The following ZNF883 variants were observed in gnomAD, a reference collection of about 807,000 sequenced individuals.
The protein encoded by ZNF883 is zinc finger protein 883.
At chr9:112,998,896 G>A (rs1828393528), upstream of ZNF883, 1 of 152,072 alleles carries the variant, frequency 6.6e-6, no homozygotes, top group South Asian at 2.1e-4. Context: ...CCTCGAAGTT[G>A]TTATATTCAT....
chr9:113,005,005 A>G (rs1564334330), intron 2 of ZNF883, among the ~76,000 whole-genome samples: 2 of 152,092 alleles, frequency 1.3e-5, no homozygotes, highest in Non-Finnish European at 2.9e-5. Flanking sequence ...TGGTTTATCC[A>G]CTTAGGGAAA....
rs191152904 is a variant in ZNF883 at position 113,006,653 on chromosome 9, G to T, written n.165+4488C>A. Among the ~76,000 whole-genome samples, 16 of 152,114 alleles carry T rather than the reference G, an allele frequency of 1.1e-4. No homozygotes were observed. In the East Asian group the frequency reaches 3.1e-3, roughly 29 times the overall value. On this transcript the variant is annotated intron_variant and non_coding_transcript_variant, in intron 2 of 4. Coordinates refer to the ZNF883 transcript ENST00000638622. ...GATTCAAGTCATTAGTGTTTTTCCTGTATCAACAGTCCATGAATCTGTCCA... is the reference window on the plus strand; with the variant it reads ...GATTCAAGTCATTAGTGTTTTTCCTTTATCAACAGTCCATGAATCTGTCCA...
chr9:112,990,346 TC>T (rs1564330405), intron 1 of ZNF883, among the ~76,000 whole-genome samples: 1 of 152,118 alleles, frequency 6.6e-6, no homozygotes, highest in African/African-American at 2.4e-5. Context: ...TTTATCAAAG[TC>T]CTTTTCTGCA....
At chr9:113,011,739 G>A (rs543877825) in intron 1 of ZNF883, among the ~76,000 whole-genome samples, 2 of 152,216 alleles carry the variant, frequency 1.3e-5, no homozygotes, top group Admixed American at 1.3e-4. Context: ...CGTATATCAC[G>A]GTTTTCTTGC....
chr9:112,990,079 C>T (rs10817421), intron 1 of ZNF883, among the ~76,000 whole-genome samples: 19,852 of 152,154 alleles, frequency 0.13, 1,677 homozygotes, highest in Non-Finnish European at 0.17. Context: ...AGTTTGATTT[C>T]CTCTCTTCCT....
At chr9:112,993,467 C>G (rs79072713), downstream of ZNF883, among the ~76,000 whole-genome samples, 2 of 152,272 alleles carry the variant, frequency 1.3e-5, no homozygotes, top group South Asian at 2.1e-4. Context: ...CTAAGGCCAG[C>G]AGGAATGCTC....
chr9:113,001,549 G>A (rs1449625357), upstream of ZNF883, among the ~76,000 whole-genome samples: 1 of 152,076 alleles, frequency 6.6e-6, no homozygotes, highest in Non-Finnish European at 1.5e-5. Context: ...TCTGCATAGA[G>A]GACCTTAACC....
chr9:112,989,183 T>C (rs967322842), intron 1 of ZNF883, among the ~76,000 whole-genome samples: 2 of 152,244 alleles, frequency 1.3e-5, no homozygotes, highest in Admixed American at 6.5e-5. Flanking sequence ...TTTTGGCATT[T>C]TCATCATGAA....
chr9:112,997,974 G>A (rs1200843187), exon 1 of ZNF883: 17 of 1,613,774 alleles, frequency 1.1e-5, no homozygotes, highest in African/African-American at 1.3e-5. Flanking sequence ...CACTCATAAG[G>A]TTTCTCCCCA....
intron 2 of ZNF883, among the ~76,000 whole-genome samples, chr9:113,008,954 A>G (rs1232209491): frequency 6.6e-6 from 1 of 151,922 alleles, no homozygotes; most frequent in Non-Finnish European, 1.5e-5. Context: ...AGATGGGGAG[A>G]GGAATTGGAA....
rs545929680 is a variant in ZNF883, at chr9:113,008,892, A to G, written n.165+2249T>C. Among the ~76,000 whole-genome samples, 31 of 152,162 alleles carry G rather than the reference A, an allele frequency of 2.0e-4. No individual in the cohort carries two copies. The South Asian group carries it at 6.4e-3, about 32-fold the overall frequency. On this transcript the variant is annotated intron_variant and non_coding_transcript_variant, in intron 2 of 4. Coordinates refer to the ZNF883 transcript ENST00000638622. ...GGTTAGGGGATGTGGTGGTGAGAGC[A>G]TTTGGAAGTTCTTTTCTAGTTCTCT...
chr9:112,997,518 G>A (rs756546653), exon 1 of ZNF883: 45 of 1,613,994 alleles, frequency 2.8e-5, no homozygotes, highest in East Asian at 8.9e-5. Context: ...TGTGCACTCC[G>A]ATTGAAGGCC....
upstream of ZNF883, chr9:112,998,782 C>G (rs1209844668): frequency 6.6e-6 from 1 of 152,136 alleles, no homozygotes; most frequent in Middle Eastern, 3.2e-3. Flanking sequence ...CTCTGTGGGT[C>G]TTGAAATGTA....
At chr9:112,997,098 A>T, downstream of ZNF883, 1 of 1,557,014 alleles carries the variant, frequency 6.4e-7, no homozygotes, top group Non-Finnish European at 8.7e-7. Context: ...CCTACGACTG[A>T]CTGCAGGCTT....
At chr9:112,999,045 T>G (rs1195864594), upstream of ZNF883, 1 of 152,228 alleles carries the variant, frequency 6.6e-6, no homozygotes, top group African/African-American at 2.4e-5. Context: ...TATGATGACA[T>G]TATTTTGTTT....
chr9:112,988,144 A>T (rs570827596), intron 1 of ZNF883, among the ~76,000 whole-genome samples: 3 of 151,430 alleles, frequency 2.0e-5, no homozygotes, highest in African/African-American at 7.3e-5. Flanking sequence ...TGTATCTTTT[A>T]AAAAAATTTA....
At chr9:113,011,392 T>C (rs1399686571) in intron 1 of ZNF883, among the ~76,000 whole-genome samples, 165 bp from the exon 2 acceptor site, 3 of 152,228 alleles carry the variant, frequency 2.0e-5, no homozygotes, top group Non-Finnish European at 4.4e-5. Context: ...TTCCTCTCTC[T>C]GGTCACTGGT....
intron 2 of ZNF883, among the ~76,000 whole-genome samples, chr9:113,004,124 AAG>A (rs1828453338): frequency 6.6e-6 from 1 of 152,228 alleles, no homozygotes; most frequent in African/African-American, 2.4e-5. Flanking sequence ...CATGTGATGA[AAG>A]AGCAGAGAAC....
At chr9:112,995,274 A>G (rs1193233763), downstream of ZNF883, among the ~76,000 whole-genome samples, 1 of 152,230 alleles carries the variant, frequency 6.6e-6, no homozygotes, top group South Asian at 2.1e-4. Context: ...CTGCCTGCAG[A>G]CTCAAACTGG....
Sources: allele counts gnomAD v4.1 joint callset (sites outside exome capture counted in the v4.1 genomes callset), GRCh38; gene constraint gnomAD v4.1.1; transcripts MANE v1.5; gene names NCBI Gene and HGNC (gene_info 2026-07-23, HGNC 2026-07-21).